AHNAK: variants seen among roughly 807,000 people sequenced by gnomAD.
The protein encoded by AHNAK is AHNAK nucleoprotein.
AHNAK carries 23 observed loss-of-function variants against 37.8 expected under a neutral mutation model. That is an observed-to-expected ratio of 0.61 (90% CI 0.44 to 0.86). The LOEUF is 0.86. Among genes scored for constraint, AHNAK ranks in the 40% least tolerant of loss-of-function variants. The pLI is 0.00. For missense variants in AHNAK, 7,411 were observed against 7,319.4 expected, an observed-to-expected ratio of 1.01 and a Z score of -0.46; for synonymous variants, 2,481 against 2,636.3, an observed-to-expected ratio of 0.94 and a Z score of 1.80.
chr11:62,535,379 T>G (rs1225051923), intron 3 of AHNAK, among the ~76,000 whole-genome samples, 189 bp from the exon 4 acceptor site: 1 of 152,110 alleles, frequency 6.6e-6, no homozygotes, highest in Admixed American at 6.5e-5. Flanking sequence ...CCAGGTGCAG[T>G]GGCTCACACC....
chr11:62,458,184 C>T (rs945362525), intron 5 of AHNAK, among the ~76,000 whole-genome samples: 1 of 152,100 alleles, frequency 6.6e-6, no homozygotes, highest in African/African-American at 2.4e-5. Flanking sequence ...TCCCAAAGTG[C>T]TGGGATTATA....
intron 5 of AHNAK, among the ~76,000 whole-genome samples, chr11:62,478,146 T>C (rs973771404): frequency 6.6e-6 from 1 of 152,130 alleles, no homozygotes; most frequent in Non-Finnish European, 1.5e-5. Context: ...TCCAGGTGGT[T>C]TCTTAGAATG....
chr11:62,463,065 A>G (rs1057370432), intron 5 of AHNAK, among the ~76,000 whole-genome samples: 6 of 145,616 alleles, frequency 4.1e-5, no homozygotes, highest in African/African-American at 1.0e-4. Context: ...CAGAGGTTGC[A>G]GTGAGGCGAG....
In AHNAK at chr11:62,533,744, G is replaced by T; in HGVS notation, c.673C>A (p.Arg225=). 2 of 1,614,132 alleles carry T rather than the reference G, an allele frequency of 1.2e-6. No homozygotes were observed. Among genetic ancestry groups the T allele is most frequent in the South Asian group, 1.1e-5 (1 of 91,084 alleles). ...CCTGAAGCAGAAATGGCCCCTGCTC[G>T]GATATCCACAGCAGAGCCTGTCGGA... The part of the protein sequence containing the change: ...ASPTGSAVDI[R]AGAISASGPE... The change falls in exon 5 of 5, where the codon CGA becomes AGA. Residue 225 remains arginine (R), a synonymous_variant. Coordinates refer to ENST00000378024, the MANE Select transcript of AHNAK (RefSeq NM_001620.3).
In AHNAK at chr11:62,521,631, A is replaced by G. The variant is rs570234261; in HGVS notation, c.12786T>C (p.Phe4262=). The G allele has an allele frequency of 3.1e-6, 5 of 1,613,338 alleles. No individual in the cohort carries two copies. The South Asian group carries it at 5.5e-5, about 18-fold the overall frequency. ...IKAPKISMPD[F]DLHLKGPKVK... is the part of the protein sequence containing the mutation. ...CCTTGGGACCTTTCAGATGCAAATC[A>G]AAGTCAGGCATGGAGATCTTGGGGG... Residue 4262 remains phenylalanine, a synonymous_variant, in exon 5 of 5, where the codon TTT becomes TTC. Transcript: ENST00000378024.
intron 5 of AHNAK, among the ~76,000 whole-genome samples, chr11:62,449,926 A>G (rs904241443): frequency 3.3e-5 from 5 of 151,746 alleles, no homozygotes; most frequent in African/African-American, 9.7e-5. Flanking sequence ...ACAAAAGTCA[A>G]CTCGTGTCTT....
chr11:62,530,048 C>T lies in AHNAK; in HGVS notation c.4369G>A (p.Gly1457Ser), dbSNP rs1412075179. ...ATTTTAGGACCTTTCAAATGCAAAC[C>T]AACATCTGGTATGGATATCTTCTGA... ...KPQKISIPDV[G>S]LHLKGPKMKG... Residue 1457 changes from glycine to serine, a missense_variant, in exon 5 of 5, where the codon GGT becomes AGT. Transcript: ENST00000378024. The T allele has an allele frequency of 6.2e-7, 1 of 1,613,894 alleles. No individual in the cohort carries two copies.
At chr11:62,493,387 G>A (rs1939542878) in intron 4 of AHNAK, among the ~76,000 whole-genome samples, 1 of 144,744 alleles carries the variant, frequency 6.9e-6, no homozygotes, top group African/African-American at 2.5e-5. Flanking sequence ...CTGGAGTGCA[G>A]TGGCACAATC....
Position 62,506,585 on chromosome 11 carries a change from TGGC to T in AHNAK, c.343-14757_343-14755del, listed in dbSNP as rs1565217344. Among the ~76,000 whole-genome samples the T allele has an allele frequency of 5.9e-5, 9 of 152,280 alleles. No homozygotes were observed. The East Asian group carries it at 1.7e-3, about 29-fold the overall frequency. Reference sequence around the variant, plus strand: ...AGGCTCAGCCCCTCAGGGCCCCAGCTGGCCAGAGGGTTGTGCCTGGCCTGCATT... The same window carrying T: ...AGGCTCAGCCCCTCAGGGCCCCAGCTCAGAGGGTTGTGCCTGGCCTGCATT... On this transcript the variant is annotated intron_variant, in intron 4 of 5. Transcript: ENST00000257247.
In AHNAK at chr11:62,529,324, G is replaced by A; in HGVS notation, c.5093C>T (p.Ala1698Val). ...DIKGPKVDIDAPDVEVHDPDW... is the reference protein window; with the variant it reads ...DIKGPKVDIDVPDVEVHDPDW... ...TGGGTCGTGAACCTCCACATCTGGGGCATCAATGTCCACTTTGGGCCCTTT... is the reference window on the plus strand; with the variant it reads ...TGGGTCGTGAACCTCCACATCTGGGACATCAATGTCCACTTTGGGCCCTTT... The change falls in exon 5 of 5, where the codon GCC (alanine) becomes GTC (valine). Residue 1698 changes from alanine to valine, a missense_variant. Physicochemically the swap from Ala to Val is moderately conservative, Grantham distance 64. Transcript: ENST00000378024. The A allele has an allele frequency of 1.2e-6, 2 of 1,614,082 alleles. No homozygotes were observed. The highest frequency in any genetic ancestry group is 1.3e-5 in the African/African-American group (1 of 74,998).
At chr11:62,471,500 T>C (rs1467071305) in intron 5 of AHNAK, among the ~76,000 whole-genome samples, 1 of 152,176 alleles carries the variant, frequency 6.6e-6, no homozygotes, top group African/African-American at 2.4e-5. Context: ...TTTAAATAAT[T>C]TTGTGCATTA....
In AHNAK at chr11:62,519,741, G is replaced by A. The variant is rs1256692936; in HGVS notation, c.14676C>T (p.Phe4892=). 6.8e-6 allele frequency: 11 copies of A among 1,613,524 alleles called. No individual in the cohort carries two copies. The highest frequency in any genetic ancestry group is 1.3e-5 in the African/African-American group (1 of 74,848). Residue 4892 remains phenylalanine, a synonymous_variant, in exon 5 of 5, where the codon TTC becomes TTT. Transcript: ENST00000378024. ...CACTGAGTTTGGCATCAGGGCCTTC[G>A]AAATCCAGACGTGGACCTTTAAGAT... ...EVDLKGPRLD[F]EGPDAKLSGP...
intron 1 of AHNAK, among the ~76,000 whole-genome samples, chr11:62,541,444 G>C (rs1332664019): frequency 6.6e-6 from 1 of 152,214 alleles, no homozygotes; most frequent in African/African-American, 2.4e-5. Flanking sequence ...CCCAGAGTTA[G>C]AGACCCCTAC....
Position 62,516,315 on chromosome 11 carries a change from T to C in AHNAK, c.*429A>G. ...AGGAAAGAGGAAGACCTGACCTCCG[T>C]CTGCAACCCATCACCCCACCCACCC... On this transcript the variant is annotated 3_prime_UTR_variant, in exon 5 of 5. Coordinates refer to ENST00000378024, the MANE Select transcript of AHNAK (RefSeq NM_001620.3). 1 of 1,289,498 alleles carries C rather than the reference T, an allele frequency of 7.8e-7. No individual in the cohort carries two copies. The highest frequency in any genetic ancestry group is 1.0e-6 in the Non-Finnish European group (1 of 988,946). 79.9% of individuals were successfully genotyped at this position (1,289,498 alleles called of 1,614,324 possible).
At chr11:62,471,271 G>T (rs1240916090) in intron 5 of AHNAK, among the ~76,000 whole-genome samples, 1 of 152,118 alleles carries the variant, frequency 6.6e-6, no homozygotes, top group Non-Finnish European at 1.5e-5. Flanking sequence ...AGGCTACTAG[G>T]GGGGCTTTGG....
Position 62,518,124 on chromosome 11 carries a change from G to A in AHNAK, c.16293C>T (p.Gly5431=), listed in dbSNP as rs566881471. Residue 5431 remains glycine (G), a synonymous_variant, in exon 5 of 5, where the codon GGC becomes GGT. Transcript: ENST00000378024. The stretch of plus-strand genomic sequence containing the variant: ...CATCCACACCTGGCCCCTTCAGTTC[G>A]CCAGAAACCTGTGGCCCCTTGGCAT... The part of the protein sequence containing the change: ...HVNAKGPQVS[G]ELKGPGVDVN... 1.1e-4 allele frequency: 179 copies of A among 1,614,086 alleles called. 1 individual carries two copies. Among genetic ancestry groups the A allele is most frequent in the Admixed American group, 7.0e-4 (42 of 60,004 alleles).
chr11:62,534,006 A>C lies in AHNAK; in HGVS notation c.411T>G (p.Asp137Glu). The C allele has an allele frequency of 6.3e-7, 1 of 1,594,968 alleles. No homozygotes were observed. Among genetic ancestry groups the C allele is most frequent in the Non-Finnish European group, 8.6e-7 (1 of 1,168,830 alleles). The change falls in exon 5 of 5, where the codon GAT (aspartate) becomes GAG (glutamate). Residue 137 changes from aspartate (D) to glutamate (E), a missense_variant. Asp to Glu is a conservative substitution (Grantham distance 45, BLOSUM62 2). Coordinates refer to ENST00000378024, the MANE Select transcript of AHNAK (RefSeq NM_001620.3). ...TKIKPRLKSE[D>E]GVEGDLGETQ... ...TCTCCCCGAGGTCTCCTTCCACTCCATCTTCCGACTTCAGCCGTGGCTTGA... is the reference window on the plus strand; with the variant it reads ...TCTCCCCGAGGTCTCCTTCCACTCCCTCTTCCGACTTCAGCCGTGGCTTGA...
At chr11:62,444,557 G>T (rs548810627) in intron 5 of AHNAK, among the ~76,000 whole-genome samples, 1 of 152,372 alleles carries the variant, frequency 6.6e-6, no homozygotes, top group South Asian at 2.1e-4. Context: ...CAGGATGTCC[G>T]CGCCGTGGGG....
chr11:62,450,103 TTTATTTTATTTTATTTTA>T (rs1266865677), intron 5 of AHNAK, among the ~76,000 whole-genome samples: 21 of 149,528 alleles, frequency 1.4e-4, no homozygotes, highest in African/African-American at 4.6e-4. Context: ...TTTCTTTTGT[TTTATTTTATTTTATTTTA>T]TTATTTTATT....
Sources: allele counts gnomAD v4.1 joint callset (sites outside exome capture counted in the v4.1 genomes callset), GRCh38; gene constraint gnomAD v4.1.1; transcripts MANE v1.5; gene names NCBI Gene and HGNC (gene_info 2026-07-23, HGNC 2026-07-21).